The following PRKG1 variants were observed in gnomAD, a reference collection of about 807,000 sequenced individuals.
PRKG1 encodes the protein cGMP-dependent protein kinase 1.
Under a neutral mutation model 88.1 loss-of-function variants are expected in PRKG1, and 35 were observed. The ratio of observed to expected loss-of-function variants is 0.40; its 90% confidence interval spans 0.30 to 0.53. The LOEUF is 0.53. Among genes scored for constraint, PRKG1 ranks in the 20% least tolerant of loss-of-function variants. The pLI, the probability that PRKG1 is intolerant of heterozygous loss-of-function variation, is 0.59. For synonymous variants in PRKG1, 303 were observed against 292.5 expected, an observed-to-expected ratio of 1.04 and a Z score of -0.37; for missense variants, 540 against 839.8, an observed-to-expected ratio of 0.64 and a Z score of 4.41.
chr10:51,562,943 A>ATTATTT (rs57244084), intron 3 of PRKG1, among the ~76,000 whole-genome samples: 21,081 of 113,248 alleles, frequency 0.19, 1,608 homozygotes, highest in South Asian at 0.27. Context: ...TATTTTTTTT[A>ATTATTT]TTATTTTTAT....
chr10:51,090,686 G>C (rs1016687033), intron 1 of PRKG1, among the ~76,000 whole-genome samples: 3 of 152,174 alleles, frequency 2.0e-5, no homozygotes, highest in Non-Finnish European at 4.4e-5. Context: ...ACATGTATGT[G>C]AAATTGTAAT....
At chr10:51,872,649 A>G (rs1268409298) in intron 4 of PRKG1, among the ~76,000 whole-genome samples, 1 of 152,138 alleles carries the variant, frequency 6.6e-6, no homozygotes, top group East Asian at 1.9e-4. Context: ...GATGCTTACC[A>G]CGTGCTTACT....
At chr10:52,047,220 T>A (rs1845882494) in intron 5 of PRKG1, among the ~76,000 whole-genome samples, 1 of 152,156 alleles carries the variant, frequency 6.6e-6, no homozygotes. Flanking sequence ...TTTTAGAGGA[T>A]AGGAAGGAGA....
At chr10:52,274,765 C>A (rs1236197344) in intron 12 of PRKG1, among the ~76,000 whole-genome samples, 2 of 152,046 alleles carry the variant, frequency 1.3e-5, no homozygotes, top group African/African-American at 2.4e-5. Context: ...ACACTGTTTT[C>A]CATAGCAGCT....
chr10:51,223,317 A>C (rs1838602160), intron 2 of PRKG1, among the ~76,000 whole-genome samples: 1 of 152,198 alleles, frequency 6.6e-6, no homozygotes, highest in Non-Finnish European at 1.5e-5. Flanking sequence ...ATCACAAGCA[A>C]TATGTGCCAG....
intron 3 of PRKG1, among the ~76,000 whole-genome samples, chr10:51,598,459 A>G (rs1035577151): frequency 7.2e-5 from 11 of 152,304 alleles, no homozygotes; most frequent in South Asian, 4.1e-4. Flanking sequence ...TTTTTAGTAG[A>G]GATAGCATTT....
intron 3 of PRKG1, chr10:51,697,310 T>C (rs1484465733): frequency 5.7e-6 from 1 of 174,678 alleles, no homozygotes; most frequent in Non-Finnish European, 1.2e-5. Flanking sequence ...AAAACTATCT[T>C]AGTACATTAA....
intron 3 of PRKG1, among the ~76,000 whole-genome samples, chr10:51,750,403 TAAC>T (rs1474016369): frequency 6.6e-6 from 1 of 152,204 alleles, no homozygotes; most frequent in African/African-American, 2.4e-5. Flanking sequence ...AATATGTTTA[TAAC>T]AATTTTGCCT....
chr10:51,335,667 G>A (rs935853132), intron 2 of PRKG1, among the ~76,000 whole-genome samples: 4 of 152,088 alleles, frequency 2.6e-5, no homozygotes, highest in African/African-American at 9.7e-5. Context: ...GAGTAGCTGG[G>A]ATTACAGGTG....
intron 4 of PRKG1, among the ~76,000 whole-genome samples, chr10:51,836,912 T>G (rs960779800): frequency 6.6e-6 from 1 of 152,196 alleles, no homozygotes; most frequent in Non-Finnish European, 1.5e-5. Flanking sequence ...AGCATTGTTT[T>G]GCTTGTGAGA....
At chr10:51,793,307 C>T (rs187943717) in intron 3 of PRKG1, among the ~76,000 whole-genome samples, 1 of 151,702 alleles carries the variant, frequency 6.6e-6, no homozygotes, top group Non-Finnish European at 1.5e-5. Context: ...CAGTGCAGAA[C>T]AGAAGAATCT....
intron 4 of PRKG1, among the ~76,000 whole-genome samples, chr10:51,809,371 A>G (rs1363537115): frequency 6.6e-6 from 1 of 152,208 alleles, no homozygotes; most frequent in Non-Finnish European, 1.5e-5. Flanking sequence ...GCCAGTTGCC[A>G]GCATTTTCTG....
At chr10:51,035,921 C>A (rs192549031) in intron 1 of PRKG1, among the ~76,000 whole-genome samples, 1 of 152,054 alleles carries the variant, frequency 6.6e-6, no homozygotes, top group African/African-American at 2.4e-5. Flanking sequence ...CAATCATAAA[C>A]ACTACTTTTG....
intron 3 of PRKG1, among the ~76,000 whole-genome samples, chr10:51,508,971 A>T (rs917553085): frequency 6.6e-6 from 1 of 152,224 alleles, no homozygotes; most frequent in East Asian, 1.9e-4. Flanking sequence ...TCTAAAGGGC[A>T]TTTCAGATTT....
intron 4 of PRKG1, among the ~76,000 whole-genome samples, chr10:51,833,344 T>C (rs1323712287): frequency 6.6e-6 from 1 of 152,180 alleles, no homozygotes; most frequent in Non-Finnish European, 1.5e-5. Context: ...GAGCATATAG[T>C]AATCATCACT....
At chr10:51,699,298 C>T in intron 3 of PRKG1, 1 of 1,614,136 alleles carries the variant, frequency 6.2e-7, no homozygotes, top group Non-Finnish European at 8.5e-7. Context: ...GAAGCGCTCT[C>T]CCACTGAACT....
intron 3 of PRKG1, among the ~76,000 whole-genome samples, chr10:51,737,935 T>C (rs1025743488): frequency 6.6e-6 from 1 of 151,570 alleles, no homozygotes; most frequent in Admixed American, 6.6e-5. Context: ...GGCTAATTTT[T>C]TTTTGTTTGT....
chr10:52,235,230 G>A (rs1344809534), intron 9 of PRKG1, among the ~76,000 whole-genome samples: 525 of 58,600 alleles, frequency 9.0e-3, no homozygotes, highest in Middle Eastern at 0.012. Context: ...TGTAAAGACC[G>A]TCGAGACTAG....
At chr10:51,442,751 C>T (rs1839155439) in intron 2 of PRKG1, among the ~76,000 whole-genome samples, 1 of 152,000 alleles carries the variant, frequency 6.6e-6, no homozygotes, top group African/African-American at 2.4e-5. Context: ...AAAGCATTTA[C>T]TTTAATAGAA....
Sources: gnomAD v4.1 joint callset for allele counts (sites outside exome capture counted in the v4.1 genomes callset) on GRCh38, gnomAD v4.1.1 for gene constraint, MANE v1.5 for transcripts, NCBI Gene and HGNC (gene_info 2026-07-23, HGNC 2026-07-21) for gene names.